The following ECHDC1 variants were observed in gnomAD, a reference collection of about 807,000 sequenced individuals.
ECHDC1 encodes ethylmalonyl-CoA decarboxylase.
ECHDC1 carries 29 observed loss-of-function variants against 29.7 expected under a neutral mutation model. The ratio of observed to expected loss-of-function variants is 0.98; its 90% confidence interval spans 0.73 to 1.33. The LOEUF (loss-of-function observed/expected upper bound fraction) is 1.33, where lower values mean the gene tolerates loss of function less well. Ranked by LOEUF, ECHDC1 falls within the 40% of genes most tolerant of loss-of-function variation. ECHDC1 has a pLI of 0.00. For synonymous variants in ECHDC1, 126 were observed against 123.1 expected (o/e 1.02, Z -0.15); for missense variants, 328 against 350.0 (o/e 0.94, Z 0.50).
At chr6:127,332,053 G>A (rs1784007718) in intron 1 of ECHDC1, among the ~76,000 whole-genome samples, 1 of 152,054 alleles carries the variant, frequency 6.6e-6, no homozygotes, top group Admixed American at 6.5e-5. Flanking sequence ...TAAAATATAA[G>A]TTACAGTTCA....
At chr6:127,338,261 C>A (rs1296591724) in intron 1 of ECHDC1, among the ~76,000 whole-genome samples, 1 of 152,140 alleles carries the variant, frequency 6.6e-6, no homozygotes, top group Non-Finnish European at 1.5e-5. Flanking sequence ...AGAGAGAAAG[C>A]ATCTTTAAAA....
intron 3 of ECHDC1, among the ~76,000 whole-genome samples, chr6:127,317,424 C>G (rs897003270): frequency 3.3e-5 from 5 of 152,062 alleles, no homozygotes; most frequent in Admixed American, 3.3e-4. Flanking sequence ...AAACTCAGCA[C>G]GGCAAAACCA....
rs1274833384 is a variant in ECHDC1 at position 127,289,501 on chromosome 6, A to G, written c.*368T>C. On this transcript the variant is annotated 3_prime_UTR_variant, in exon 6 of 6. Transcript: ENST00000454859. ...CAACACTCAGTTATTTTGGTAAATT[A>G]TTTCCAGGTAAAACAGAACAAAAAT... 1 of 166,078 alleles carries G rather than the reference A, an allele frequency of 6.0e-6. No individual in the cohort carries two copies. Among genetic ancestry groups the G allele is most frequent in the Non-Finnish European group, 1.3e-5 (1 of 77,238 alleles). 10.3% of individuals were successfully genotyped at this position (166,078 alleles called of 1,614,324 possible).
intron 1 of ECHDC1, among the ~76,000 whole-genome samples, chr6:127,337,548 T>C (rs1784539879): frequency 6.6e-6 from 1 of 152,238 alleles, no homozygotes; most frequent in African/African-American, 2.4e-5. Context: ...TTAAATGTAT[T>C]TGATTGATGT....
intron 3 of ECHDC1, among the ~76,000 whole-genome samples, chr6:127,323,636 C>G (rs758115225): frequency 1.3e-5 from 2 of 152,078 alleles, no homozygotes; most frequent in Non-Finnish European, 2.9e-5. Context: ...AGTATTGAAA[C>G]CAGCTTTCAA....
chr6:127,328,049 G>A (rs543891059), intron 2 of ECHDC1, among the ~76,000 whole-genome samples: 1 of 152,260 alleles, frequency 6.6e-6, no homozygotes, highest in East Asian at 1.9e-4. Context: ...CCAAAAGATG[G>A]CCCCATTAAA....
chr6:127,301,426 C>T (rs1286323099), intron 5 of ECHDC1, among the ~76,000 whole-genome samples: 1 of 152,114 alleles, frequency 6.6e-6, no homozygotes, highest in Non-Finnish European at 1.5e-5. Flanking sequence ...GTTAAACAAG[C>T]GAAAAGGGCC....
At position 127,290,253 on chromosome 6, in the gene ECHDC1, G is replaced by A; in HGVS notation, c.522C>T (p.Ile174=). The A allele has an allele frequency of 6.2e-7, 1 of 1,613,200 alleles. No homozygotes were observed. The highest frequency in any genetic ancestry group is 1.1e-5 in the South Asian group (1 of 91,032). ...DFRLMTPESK[I]RFVHKEMGII... ...TGCCCATCTCTTTGTGGACGAATCT[G>A]ATCTTACTCTCTGGAGTCATTAACC... Residue 174 remains isoleucine (I), a synonymous_variant, in exon 6 of 6, where the codon ATC becomes ATT. Transcript: ENST00000454859.
intron 1 of ECHDC1, among the ~76,000 whole-genome samples, chr6:127,333,662 C>G (rs1784164119): frequency 7.1e-6 from 1 of 140,706 alleles, no homozygotes; most frequent in Admixed American, 7.4e-5. Context: ...TACTCTCTTT[C>G]TCTTACACAC....
intron 2 of ECHDC1, among the ~76,000 whole-genome samples, chr6:127,327,529 T>G (rs1783465706): frequency 6.6e-6 from 1 of 152,190 alleles, no homozygotes; most frequent in African/African-American, 2.4e-5. Flanking sequence ...CATGTCTCAG[T>G]CAATAAAGCT....
intron 5 of ECHDC1, chr6:127,294,603 A>G (rs1330966856): frequency 6.6e-6 from 1 of 152,180 alleles, no homozygotes; most frequent in African/African-American, 2.4e-5. Context: ...CGAATGTGTG[A>G]AAACTTTTAT....
chr6:127,329,768 A>T (rs1783745685), intron 2 of ECHDC1: 2 of 324,706 alleles, frequency 6.2e-6, no homozygotes, highest in Admixed American at 4.2e-5. Context: ...TACCTTTTTT[A>T]AATTTTTTTA....
At chr6:127,323,999 T>C (rs1298892210) in intron 3 of ECHDC1, among the ~76,000 whole-genome samples, 2 of 152,170 alleles carry the variant, frequency 1.3e-5, no homozygotes, top group African/African-American at 4.8e-5. Context: ...TTTATATACA[T>C]AGCTCATGTA....
chr6:127,334,213 CATT>C (rs1282066447), intron 1 of ECHDC1, among the ~76,000 whole-genome samples: 2 of 152,088 alleles, frequency 1.3e-5, no homozygotes, highest in South Asian at 2.1e-4. Context: ...TTCTCAAAAT[CATT>C]ATTTAATCCT....
intron 5 of ECHDC1, among the ~76,000 whole-genome samples, chr6:127,293,880 A>G (rs1369793357): frequency 6.6e-6 from 1 of 152,198 alleles, no homozygotes; most frequent in Non-Finnish European, 1.5e-5. Context: ...TATTCAGAGT[A>G]AAAGAGCTAT....
chr6:127,332,127 C>T (rs1784011963), intron 1 of ECHDC1, among the ~76,000 whole-genome samples: 1 of 152,090 alleles, frequency 6.6e-6, no homozygotes, highest in African/African-American at 2.4e-5. Flanking sequence ...CAGAACATAA[C>T]CTGAAGCTCA....
At chr6:127,302,900 T>C (rs1171627476) in intron 5 of ECHDC1, among the ~76,000 whole-genome samples, 2 of 152,152 alleles carry the variant, frequency 1.3e-5, no homozygotes, top group Non-Finnish European at 2.9e-5. Context: ...AATGTAATAA[T>C]AGCAGCATTC....
intron 3 of ECHDC1, among the ~76,000 whole-genome samples, chr6:127,320,106 C>T (rs1782720751): frequency 6.6e-6 from 1 of 152,142 alleles, no homozygotes; most frequent in African/African-American, 2.4e-5. Flanking sequence ...CAACCTCCAC[C>T]TCCTGGGTTC....
chr6:127,328,554 A>C (rs893318077), intron 2 of ECHDC1, among the ~76,000 whole-genome samples: 2 of 152,200 alleles, frequency 1.3e-5, no homozygotes, highest in Non-Finnish European at 2.9e-5. Flanking sequence ...CAAAGCAACA[A>C]ATGACTGCAC....
Sources: allele counts gnomAD v4.1 joint callset (sites outside exome capture counted in the v4.1 genomes callset), GRCh38; gene constraint gnomAD v4.1.1; transcripts MANE v1.5; gene names NCBI Gene and HGNC (gene_info 2026-07-23, HGNC 2026-07-21).